FOXO3: variants seen among roughly 807,000 people sequenced by gnomAD.
FOXO3 encodes forkhead box O3.
A neutral mutation model predicts 41.9 loss-of-function variants in FOXO3; 4 were observed. The ratio of observed to expected loss-of-function variants is 0.10; its 90% CI spans 0.05 to 0.22. The LOEUF (loss-of-function observed/expected upper bound fraction) is 0.22, where lower values mean the gene tolerates loss of function less well. FOXO3 is among the 10% of genes least tolerant of loss of function. The probability of loss-of-function intolerance (pLI) is 1.00; values close to 1 mark genes in which losing one functional copy is unlikely to be tolerated. For synonymous variants in FOXO3, 318 were observed against 389.3 expected, an observed-to-expected ratio of 0.82 and a Z score of 2.16; for missense variants, 534 against 906.8, an observed-to-expected ratio of 0.59 and a Z score of 5.28.
intron 1 of FOXO3, among the ~76,000 whole-genome samples, chr6:108,610,296 T>C (rs1044316621): frequency 6.6e-6 from 1 of 152,214 alleles, no homozygotes; most frequent in East Asian, 1.9e-4. Context: ...AAGAGTCCTG[T>C]AAATTGCTTA....
chr6:108,654,083 TCCTC>T (rs1778618501), intron 1 of FOXO3, among the ~76,000 whole-genome samples: 2 of 152,132 alleles, frequency 1.3e-5, no homozygotes, highest in Non-Finnish European at 2.9e-5. Context: ...AGATGCTTCT[TCCTC>T]AGTCTATGGG....
At chr6:108,618,063 C>CTGTACAGGTGTGTCTTTT (rs1777565921) in intron 1 of FOXO3, 3 of 716,848 alleles carry the variant, frequency 4.2e-6, no homozygotes, top group Admixed American at 1.8e-5. Context: ...CCATTTCCAA[C>CTGTACAGGTGTGTCTTTT]TGTACAGGTG....
At chr6:108,628,652 G>A (rs1384259686) in intron 1 of FOXO3, among the ~76,000 whole-genome samples, 4 of 152,164 alleles carry the variant, frequency 2.6e-5, no homozygotes, top group Admixed American at 2.6e-4. Context: ...ATGGAGTGGA[G>A]ACAGGGAGTG....
chr6:108,613,532 G>A (rs977015974), intron 1 of FOXO3, among the ~76,000 whole-genome samples: 1 of 152,176 alleles, frequency 6.6e-6, no homozygotes, highest in African/African-American at 2.4e-5. Context: ...CATTTATAAT[G>A]TTCTCTTATT....
In FOXO3 at chr6:108,605,544, T is replaced by C. The variant is rs1041359480; in HGVS notation, c.621+43715T>C. Among the ~76,000 whole-genome samples the C allele has an allele frequency of 2.6e-5, 4 of 152,368 alleles. No individual in the cohort carries two copies. In the South Asian group the frequency reaches 8.3e-4, roughly 32 times the overall value. ...TTCTAATCTATACCTTGGAAGTTGC[T>C]CATTTCTCAGAAAAAGAAACAGGCC... On this transcript the variant is annotated intron_variant, in intron 1 of 2. Coordinates refer to ENST00000406360, the MANE Select transcript of FOXO3 (RefSeq NM_001455.4).
At chr6:108,641,194 G>C (rs144808133) in intron 1 of FOXO3, among the ~76,000 whole-genome samples, 12 of 152,280 alleles carry the variant, frequency 7.9e-5, no homozygotes, top group African/African-American at 2.6e-4. Context: ...ATAAGCGTTA[G>C]CCACCTTGAC....
At chr6:108,656,470 T>C (rs572031477) in intron 1 of FOXO3, 1 of 985,440 alleles carries the variant, frequency 1.0e-6, no homozygotes, top group East Asian at 1.1e-4. Context: ...TTTTTAAAGT[T>C]TGAAATCCTT....
At chr6:108,626,609 T>C (rs1777819835) in intron 1 of FOXO3, among the ~76,000 whole-genome samples, 1 of 71,912 alleles carries the variant, frequency 1.4e-5, no homozygotes, top group African/African-American at 5.0e-5. Context: ...GAATCACTGA[T>C]TATATAGCTT....
intron 1 of FOXO3, among the ~76,000 whole-genome samples, chr6:108,630,528 G>T (rs1777939413): frequency 6.6e-6 from 1 of 152,122 alleles, no homozygotes. Flanking sequence ...TTGAACATTT[G>T]TATGTAGTGA....
chr6:108,655,733 C>T (rs1778665748), intron 1 of FOXO3, among the ~76,000 whole-genome samples: 1 of 152,222 alleles, frequency 6.6e-6, no homozygotes. Flanking sequence ...CCCACCCGGG[C>T]CTGCTCCTGA....
At chr6:108,625,483 A>G (rs908566801) in intron 1 of FOXO3, among the ~76,000 whole-genome samples, 8 of 152,254 alleles carry the variant, frequency 5.3e-5, no homozygotes, top group Non-Finnish European at 1.0e-4. Flanking sequence ...CTCATATAAG[A>G]TACCTATTTT....
At chr6:108,564,901 C>G (rs1775913780) in intron 1 of FOXO3, among the ~76,000 whole-genome samples, 1 of 151,940 alleles carries the variant, frequency 6.6e-6, no homozygotes, top group Non-Finnish European at 1.5e-5. Context: ...TTTGGAAAAG[C>G]TAATGACTTT....
chr6:108,578,632 T>TTG (rs1554211356), intron 1 of FOXO3, among the ~76,000 whole-genome samples: 1 of 152,108 alleles, frequency 6.6e-6, no homozygotes, highest in Non-Finnish European at 1.5e-5. Flanking sequence ...ATGTTTTTTT[T>TTG]TGTGTGTGAT....
intron 1 of FOXO3, among the ~76,000 whole-genome samples, chr6:108,654,911 G>A (rs942577159): frequency 1.3e-5 from 2 of 151,982 alleles, no homozygotes; most frequent in African/African-American, 2.4e-5. Flanking sequence ...TATATATGAC[G>A]TAATAACTCT....
intron 1 of FOXO3, among the ~76,000 whole-genome samples, chr6:108,635,349 C>T (rs1348901156): frequency 6.6e-6 from 1 of 151,942 alleles, no homozygotes; most frequent in Non-Finnish European, 1.5e-5. Flanking sequence ...GTCGTGGTTG[C>T]TTCTGAGAAA....
chr6:108,625,422 T>C (rs1020909205), intron 1 of FOXO3, among the ~76,000 whole-genome samples: 5 of 152,358 alleles, frequency 3.3e-5, no homozygotes, highest in Admixed American at 1.3e-4. Context: ...TGAAAACTAG[T>C]GCAAATTCTA....
At chr6:108,571,196 G>GTTT (rs1455395990) in intron 1 of FOXO3, among the ~76,000 whole-genome samples, 2 of 152,200 alleles carry the variant, frequency 1.3e-5, no homozygotes, top group Non-Finnish European at 2.9e-5. Context: ...TCAGGTAAGA[G>GTTT]AGAAAGGTAA....
chr6:108,580,183 A>ATTTT lies in FOXO3; in HGVS notation c.621+18374_621+18377dup, dbSNP rs11395032. 4.4e-3 allele frequency among the ~76,000 whole-genome samples: 408 copies of ATTTT among 93,058 alleles called. 4 individuals carry two copies. The highest frequency in any genetic ancestry group is 0.014 in the Middle Eastern group (1 of 74). The allele number at this position is 93,058 out of a possible 152,430, so 61.0% of individuals were successfully genotyped here. A position where few individuals can be genotyped will look rare whatever the true frequency, so the allele number is the denominator to read the frequency against. The stretch of plus-strand genomic sequence containing the variant: ...GCTTTATGAGTATTAGCTCTTCTTC[A>ATTTT]TTTTTTTTTTTTTTTTTTTTTTTGA... On this transcript the variant is annotated intron_variant, in intron 1 of 2. Coordinates refer to ENST00000406360, the MANE Select transcript of FOXO3 (RefSeq NM_001455.4).
At chr6:108,649,515 CTTTTTT>C (rs886836999) in intron 1 of FOXO3, among the ~76,000 whole-genome samples, 2 of 95,206 alleles carry the variant, frequency 2.1e-5, no homozygotes, top group East Asian at 2.9e-4. Flanking sequence ...CCACCCTCAG[CTTTTTT>C]TTTTTTTTTT....
Sources: allele counts gnomAD v4.1 joint callset (sites outside exome capture counted in the v4.1 genomes callset), GRCh38; gene constraint gnomAD v4.1.1; transcripts MANE v1.5; gene names NCBI Gene and HGNC (gene_info 2026-07-23, HGNC 2026-07-21).